The following PAPPA variants were observed in gnomAD, a reference collection of about 807,000 sequenced individuals.
PAPPA encodes the protein pappalysin-1.
PAPPA carries 60 observed loss-of-function variants against 164.0 expected under a neutral mutation model. The ratio of observed to expected loss-of-function variants is 0.37; its 90% CI spans 0.30 to 0.45. PAPPA has a LOEUF of 0.45. PAPPA is among the 20% of genes least tolerant of loss of function. The probability of loss-of-function intolerance (pLI) is 1.00; values close to 1 mark genes in which losing one functional copy is unlikely to be tolerated. For synonymous variants in PAPPA, 875 were observed against 814.1 expected (o/e 1.07, Z -1.27); for missense variants, 1,782 against 2,087.3 (o/e 0.85, Z 2.85).
intron 1 of PAPPA, among the ~76,000 whole-genome samples, chr9:116,155,433 A>G (rs1162142742): frequency 1.3e-5 from 2 of 152,154 alleles, no homozygotes; most frequent in African/African-American, 4.8e-5. Flanking sequence ...CCCCCTCTAA[A>G]TGAATCTGTG....
intron 10 of PAPPA, among the ~76,000 whole-genome samples, chr9:116,326,150 C>T (rs1289023507): frequency 2.0e-5 from 3 of 152,130 alleles, no homozygotes; most frequent in Non-Finnish European, 4.4e-5. Flanking sequence ...AATCAAGAGG[C>T]TTATGTCATC....
At chr9:116,343,653 A>T (rs992157045) in intron 13 of PAPPA, among the ~76,000 whole-genome samples, 1 of 152,204 alleles carries the variant, frequency 6.6e-6, no homozygotes, top group Non-Finnish European at 1.5e-5. Context: ...GGCCAAATTT[A>T]AGAGTATACC....
At chr9:116,367,851 A>G (rs1846522665) in intron 19 of PAPPA, 97 bp downstream of exon 19, 4 of 806,564 alleles carry the variant, frequency 5.0e-6, no homozygotes, top group Admixed American at 2.0e-5. Context: ...TCATTCTTTC[A>G]CACATATTAC....
chr9:116,179,034 G>T (rs1373208113), intron 1 of PAPPA, among the ~76,000 whole-genome samples: 1 of 152,174 alleles, frequency 6.6e-6, no homozygotes, highest in East Asian at 1.9e-4. Context: ...CTACTCTCAA[G>T]CTTGCCTCAC....
chr9:116,171,271 A>T (rs1056134891), intron 1 of PAPPA, among the ~76,000 whole-genome samples: 10 of 152,206 alleles, frequency 6.6e-5, no homozygotes, highest in African/African-American at 2.4e-4. Context: ...GAGCCTTCAC[A>T]TTCTGTGTAT....
At chr9:116,233,535 T>C (rs1190498051) in intron 6 of PAPPA, among the ~76,000 whole-genome samples, 3 of 152,218 alleles carry the variant, frequency 2.0e-5, no homozygotes, top group African/African-American at 4.8e-5. Context: ...CAAGGAGAGA[T>C]AGAGGAAATC....
intron 15 of PAPPA, among the ~76,000 whole-genome samples, chr9:116,348,877 CCA>C (rs1846245294): frequency 1.3e-5 from 2 of 152,018 alleles, no homozygotes; most frequent in African/African-American, 4.8e-5. Flanking sequence ...TGTATATGTA[CCA>C]CATTTTCTTT....
chr9:116,259,058 G>A (rs1844970270), intron 7 of PAPPA, among the ~76,000 whole-genome samples: 1 of 152,024 alleles, frequency 6.6e-6, no homozygotes, highest in Non-Finnish European at 1.5e-5. Flanking sequence ...GCTTGAACAT[G>A]GGAGACAGAG....
chr9:116,275,020 G>T (rs1845180402), intron 9 of PAPPA, among the ~76,000 whole-genome samples: 1 of 152,194 alleles, frequency 6.6e-6, no homozygotes, highest in Admixed American at 6.5e-5. Flanking sequence ...CACAGCACCA[G>T]CTCTGGATCC....
intron 14 of PAPPA, among the ~76,000 whole-genome samples, chr9:116,345,643 T>C (rs1031906692): frequency 2.0e-5 from 3 of 152,172 alleles, no homozygotes; most frequent in Admixed American, 6.5e-5. Context: ...ACAAAGTCTC[T>C]TCTAGATACT....
intron 14 of PAPPA, 101 bp from the exon 15 acceptor site, chr9:116,346,925 G>T (rs1846217361): frequency 1.1e-6 from 1 of 876,044 alleles, no homozygotes; most frequent in Non-Finnish European, 1.7e-6. Context: ...GTCTCCTAGT[G>T]CCTGGGCGAG....
At chr9:116,166,893 A>G (rs1208891482) in intron 1 of PAPPA, among the ~76,000 whole-genome samples, 1 of 152,178 alleles carries the variant, frequency 6.6e-6, no homozygotes, top group Non-Finnish European at 1.5e-5. Context: ...GACTGAATGA[A>G]TGAATGGTGG....
chr9:116,249,739 G>C (rs1355253776), intron 7 of PAPPA, among the ~76,000 whole-genome samples: 3 of 152,134 alleles, frequency 2.0e-5, no homozygotes, highest in South Asian at 4.2e-4. Flanking sequence ...GCAGGTGAGT[G>C]TGTTATGAAA....
At chr9:116,213,131 A>G (rs1023156879) in intron 4 of PAPPA, among the ~76,000 whole-genome samples, 3 of 152,224 alleles carry the variant, frequency 2.0e-5, no homozygotes, top group South Asian at 2.1e-4. Context: ...CCTGGTGGCT[A>G]TATGAGTAGG....
intron 2 of PAPPA, among the ~76,000 whole-genome samples, chr9:116,190,774 C>T (rs565055112): frequency 7.3e-4 from 111 of 152,302 alleles, no homozygotes; most frequent in Admixed American, 6.2e-3. Context: ...TTCTAAGTCA[C>T]GGGAATGCAT....
At chr9:116,318,021 A>C (rs1248166295) in intron 10 of PAPPA, among the ~76,000 whole-genome samples, 4 of 152,138 alleles carry the variant, frequency 2.6e-5, no homozygotes, top group Non-Finnish European at 4.4e-5. Flanking sequence ...AGCATCTCAA[A>C]CTTATCCTTC....
intron 2 of PAPPA, among the ~76,000 whole-genome samples, chr9:116,198,193 G>A (rs1193913433): frequency 6.6e-6 from 1 of 152,204 alleles, no homozygotes; most frequent in Non-Finnish European, 1.5e-5. Flanking sequence ...GAACGGTAGA[G>A]TTCAGTTGCA....
At chr9:116,162,187 GC>G (rs1452722020) in intron 1 of PAPPA, among the ~76,000 whole-genome samples, 1 of 152,154 alleles carries the variant, frequency 6.6e-6, no homozygotes, top group Non-Finnish European at 1.5e-5. Context: ...GCAATAAGAA[GC>G]TTTTGAGTGA....
chr9:116,187,753 G>A lies in PAPPA; in HGVS notation c.1015G>A (p.Ala339Thr). ...ATTGTGTGACAACACAGAGGTCATTGCCAGCTACAATCAGCTCTCAAGTTT... is the reference window on the plus strand; with the variant it reads ...ATTGTGTGACAACACAGAGGTCATTACCAGCTACAATCAGCTCTCAAGTTT... ...QTLCDNTEVI[A>T]SYNQLSSFRQ... is the part of the protein sequence containing the mutation. Residue 339 changes from alanine to threonine, a missense_variant, in exon 2 of 22, where the codon GCC (alanine) becomes ACC (threonine). Physicochemically the swap from Ala to Thr is moderately conservative, Grantham distance 58. This residue lies in a region of PAPPA where 1,324 missense variants were observed against 1,656.9 expected (regional missense o/e 0.80). Transcript: ENST00000328252. The surrounding 1 kb of genome is among the most constrained non-coding windows in gnomAD (Gnocchi z 4.2). 1.9e-6 allele frequency: 3 copies of A among 1,614,254 alleles called. No individual in the cohort carries two copies. The highest frequency in any genetic ancestry group is 1.6e-4 in the Middle Eastern group (1 of 6,062).
Sources: gnomAD v4.1 joint callset for allele counts (sites outside exome capture counted in the v4.1 genomes callset) on GRCh38, gnomAD v4.1.1 for gene constraint, gnomAD v4.1.1 regional missense constraint, Gnocchi (gnomAD v3.1) non-coding constraint, MANE v1.5 for transcripts, NCBI Gene and HGNC (gene_info 2026-07-23, HGNC 2026-07-21) for gene names.